SCP2: variants seen among roughly 807,000 people sequenced by gnomAD.
SCP2 encodes the protein SCP-2/3-oxoacyl-CoA thiolase.
SCP2 carries 48 observed loss-of-function variants against 71.4 expected under a neutral mutation model. The observed-to-expected ratio is 0.67, with a 90% CI of 0.53 to 0.86. The LOEUF (loss-of-function observed/expected upper bound fraction) is 0.86, where lower values mean the gene tolerates loss of function less well. Among genes scored for constraint, SCP2 ranks in the 40% least tolerant of loss-of-function variants. The pLI, the probability that SCP2 is intolerant of heterozygous loss-of-function variation, is 0.00. For missense variants in SCP2, 560 were observed against 655.6 expected, an observed-to-expected ratio of 0.85 and a Z score of 1.59; for synonymous variants, 220 against 218.1, an observed-to-expected ratio of 1.01 and a Z score of -0.08.
intron 11 of SCP2, among the ~76,000 whole-genome samples, chr1:52,991,432 G>A (rs1659495572): frequency 7.1e-6 from 1 of 141,668 alleles, no homozygotes; most frequent in African/African-American, 2.7e-5. Flanking sequence ...ACGGAGTCTT[G>A]CTTTGTCGCC....
chr1:53,027,586 C>T (rs530188257), intron 12 of SCP2, among the ~76,000 whole-genome samples: 2 of 152,234 alleles, frequency 1.3e-5, no homozygotes, highest in Admixed American at 6.5e-5. Flanking sequence ...CTCACTGCAA[C>T]CTCCGCCTCC....
At chr1:53,030,301 G>A (rs1662442367) in intron 13 of SCP2, among the ~76,000 whole-genome samples, 1 of 152,086 alleles carries the variant, frequency 6.6e-6, no homozygotes, top group African/African-American at 2.4e-5. Flanking sequence ...AAACAGTGCT[G>A]TAATAAATTT....
intron 13 of SCP2, among the ~76,000 whole-genome samples, chr1:53,034,528 T>G (rs1364490096): frequency 1.3e-5 from 2 of 152,138 alleles, no homozygotes; most frequent in African/African-American, 4.8e-5. Context: ...AATTAGATAG[T>G]GGTTTTGGTT....
intron 14 of SCP2, among the ~76,000 whole-genome samples, chr1:53,039,548 C>G (rs1192524594): frequency 6.6e-6 from 1 of 152,212 alleles, no homozygotes; most frequent in African/African-American, 2.4e-5. Context: ...GTCCTCATCA[C>G]TATCCCCAGA....
intron 6 of SCP2, among the ~76,000 whole-genome samples, chr1:52,970,692 T>C (rs899479149): frequency 1.3e-5 from 2 of 152,110 alleles, no homozygotes; most frequent in African/African-American, 4.8e-5. Context: ...TCTTGGTAGT[T>C]TAGAGCAGTT....
intron 2 of SCP2, among the ~76,000 whole-genome samples, chr1:52,947,501 T>A (rs1360948173): frequency 1.3e-5 from 2 of 152,222 alleles, no homozygotes; most frequent in South Asian, 2.1e-4. Context: ...TTTACTTACA[T>A]AATTTTTCTC....
At chr1:53,033,325 G>A (rs188215655) in intron 13 of SCP2, among the ~76,000 whole-genome samples, 63 of 152,248 alleles carry the variant, frequency 4.1e-4, no homozygotes, top group Admixed American at 9.1e-4. Flanking sequence ...TTGACATACC[G>A]GGCACAGTGG....
intron 4 of SCP2, among the ~76,000 whole-genome samples, chr1:52,952,069 T>A (rs887758090): frequency 8.5e-5 from 13 of 152,070 alleles, no homozygotes; most frequent in South Asian, 4.2e-4. Context: ...CCACACCTGG[T>A]CATATTAGAA....
chr1:52,970,196 G>A (rs1006712674), intron 6 of SCP2, among the ~76,000 whole-genome samples: 2 of 151,890 alleles, frequency 1.3e-5, no homozygotes, highest in South Asian at 2.1e-4. Flanking sequence ...TTATTGCCTG[G>A]TGATTTGAGT....
chr1:52,935,279 T>G (rs961612596), intron 1 of SCP2, among the ~76,000 whole-genome samples: 2 of 146,636 alleles, frequency 1.4e-5, no homozygotes, highest in Non-Finnish European at 3.0e-5. Flanking sequence ...AAAAATAAAA[T>G]AAAAAAAGAA....
chr1:52,964,345 G>A (rs1056072125), intron 6 of SCP2, among the ~76,000 whole-genome samples: 6 of 151,314 alleles, frequency 4.0e-5, no homozygotes, highest in Non-Finnish European at 2.9e-5. Flanking sequence ...GGGACTATAG[G>A]CACCCGACCA....
At chr1:53,004,899 C>G (rs1451619670) in intron 11 of SCP2, among the ~76,000 whole-genome samples, 1 of 152,114 alleles carries the variant, frequency 6.6e-6, no homozygotes, top group Non-Finnish European at 1.5e-5. Flanking sequence ...ACAGATGGTA[C>G]CTGGAAAATT....
chr1:52,946,693 T>C (rs1654827347), intron 2 of SCP2, among the ~76,000 whole-genome samples: 4 of 151,698 alleles, frequency 2.6e-5, no homozygotes, highest in Admixed American at 2.6e-4. Context: ...CTTCATAAAT[T>C]ATAATAATTG....
At position 52,952,819 on chromosome 1, in the gene SCP2, G is replaced by GTA. The variant is rs141282598; in HGVS notation, c.332-1909_332-1908dup. Among the ~76,000 whole-genome samples, 430 of 151,536 alleles carry GTA rather than the reference G, an allele frequency of 2.8e-3. 5 individuals carry two copies. The highest frequency in any genetic ancestry group is 9.7e-3 in the African/African-American group (402 of 41,352). Reference sequence around the variant, plus strand: ...TAGATAATGCCATTGTAAACATTGTGTATATATATATATTTTCTGTGGCTG... The same window carrying GTA: ...TAGATAATGCCATTGTAAACATTGTGTATATATATATATATTTTCTGTGGCTG... On this transcript the variant is annotated intron_variant, in intron 4 of 15. Transcript: ENST00000371514.
rs891689682 is a variant in SCP2 at position 52,994,293 on chromosome 1, C to G, written c.1081+6157C>G. 6 of 997,322 alleles carry G rather than the reference C, an allele frequency of 6.0e-6. No homozygotes were observed. The African/African-American group carries it at 7.0e-5, about 12-fold the overall frequency. The allele number at this position is 997,322 out of a possible 1,614,324, so 61.8% of individuals were successfully genotyped here. On this transcript the variant is annotated intron_variant, in intron 11 of 15. Transcript: ENST00000371514. ...AAGTGACTTAAATCCTCCTTTCAGA[C>G]AGCTTCCTTACGCATATAGGAAACC...
intron 11 of SCP2, among the ~76,000 whole-genome samples, chr1:53,009,308 C>T (rs574727331): frequency 2.6e-5 from 4 of 152,184 alleles, no homozygotes; most frequent in Non-Finnish European, 5.9e-5. Context: ...AAAAAGAGGC[C>T]GCATTGCCAA....
chr1:52,980,364 T>C, intron 9 of SCP2, 32 bp from the exon 10 acceptor site: 2 of 1,604,478 alleles, frequency 1.2e-6, no homozygotes, highest in Non-Finnish European at 1.7e-6. Flanking sequence ...CCAGTTTTGG[T>C]GCCCTTTATT....
At chr1:53,050,513 G>A in intron 15 of SCP2, 96 bp from the exon 16 acceptor site, 1 of 799,272 alleles carries the variant, frequency 1.3e-6, no homozygotes, top group Non-Finnish European at 2.2e-6. Flanking sequence ...CATGTGACCT[G>A]GATAAATAAA....
At chr1:53,023,168 A>G (rs925817921) in intron 12 of SCP2, among the ~76,000 whole-genome samples, 3 of 152,226 alleles carry the variant, frequency 2.0e-5, no homozygotes, top group African/African-American at 7.2e-5. Context: ...AACTTTACAT[A>G]TTAACTTTTA....
Sources: allele counts gnomAD v4.1 joint callset (sites outside exome capture counted in the v4.1 genomes callset), GRCh38; gene constraint gnomAD v4.1.1; transcripts MANE v1.5; gene names NCBI Gene and HGNC (gene_info 2026-07-23, HGNC 2026-07-21).